SPINK5: variants seen among roughly 807,000 people sequenced by gnomAD.
SPINK5 encodes serine peptidase inhibitor Kazal type 5.
Under a neutral mutation model 151.8 loss-of-function variants are expected in SPINK5, and 125 were observed. The observed-to-expected ratio is 0.82, with a 90% CI of 0.71 to 0.96. SPINK5 has a LOEUF of 0.96. Ranked by LOEUF, SPINK5 falls within the 40% of genes least tolerant of loss-of-function variation. SPINK5 has a pLI of 0.00. For synonymous variants in SPINK5, 374 were observed against 395.3 expected (o/e 0.95, Z 0.64); for missense variants, 1,194 against 1,291.9 (o/e 0.92, Z 1.16).
chr5:148,072,825 G>A (rs1191556104), intron 4 of SPINK5, among the ~76,000 whole-genome samples: 1 of 149,762 alleles, frequency 6.7e-6, no homozygotes, highest in Non-Finnish European at 1.5e-5. Context: ...TTGCAGACAG[G>A]GACTCAGGCT....
chr5:148,124,742 C>CTATCT (rs1554106948), intron 27 of SPINK5, 23 bp from the exon 28 acceptor site: 7 of 1,374,202 alleles, frequency 5.1e-6, no homozygotes, highest in South Asian at 1.4e-5. Flanking sequence ...ATTACCCTAT[C>CTATCT]TTTTTTTTTA....
At position 148,089,761 on chromosome 5, in the gene SPINK5, G is replaced by T. The variant is rs1189533706; in HGVS notation, c.602+140G>T. 4.8e-6 allele frequency: 6 copies of T among 1,260,508 alleles called. No individual in the cohort carries two copies. In the African/African-American group the frequency reaches 8.9e-5, roughly 19 times the overall value. The allele number at this position is 1,260,508 out of a possible 1,614,324, so 78.1% of individuals were successfully genotyped here. ...ACACTGTGAAATAGCCTTTCTCACAGAAAGGCTTCTTTTCTTTTTCTTCTT... is the reference window on the plus strand; with the variant it reads ...ACACTGTGAAATAGCCTTTCTCACATAAAGGCTTCTTTTCTTTTTCTTCTT... On this transcript the variant is annotated intron_variant, in intron 7 of 32. Coordinates refer to ENST00000256084, the MANE Select transcript of SPINK5 (RefSeq NM_006846.4).
intron 15 of SPINK5, among the ~76,000 whole-genome samples, chr5:148,102,948 C>G (rs767454106): frequency 2.6e-5 from 4 of 151,844 alleles, no homozygotes; most frequent in Non-Finnish European, 5.9e-5. Flanking sequence ...TATGGCCGGC[C>G]CTTCAAAAAC....
chr5:148,113,272 TG>T (rs1379951864), intron 20 of SPINK5, among the ~76,000 whole-genome samples: 1 of 151,100 alleles, frequency 6.6e-6, no homozygotes, highest in Non-Finnish European at 1.5e-5. Flanking sequence ...TGCAAACCCC[TG>T]ATTTATTCTG....
At chr5:148,086,357 C>T (rs185771462) in intron 4 of SPINK5, 48 bp from the exon 5 acceptor site, 100 of 1,600,790 alleles carry the variant, frequency 6.2e-5, no homozygotes, top group Non-Finnish European at 7.9e-5. Flanking sequence ...CATCTAAGGA[C>T]TATTTTGTTT....
At chr5:148,113,869 T>TTA (rs760822281) in intron 20 of SPINK5, among the ~76,000 whole-genome samples, 22,281 of 152,182 alleles carry the variant, frequency 0.15, 2,143 homozygotes, top group East Asian at 0.32. Context: ...CCTCTCATTA[T>TTA]TTTTTCTTTT....
intron 21 of SPINK5, among the ~76,000 whole-genome samples, chr5:148,116,097 A>G (rs1234226405): frequency 6.6e-6 from 1 of 152,138 alleles, no homozygotes; most frequent in Non-Finnish European, 1.5e-5. Context: ...CTGAGATTAC[A>G]GGTGCAAACC....
chr5:148,109,102 T>C (rs1055933222), intron 18 of SPINK5, among the ~76,000 whole-genome samples: 1 of 152,206 alleles, frequency 6.6e-6, no homozygotes, highest in Non-Finnish European at 1.5e-5. Context: ...AAGAAGTATA[T>C]ATAGATTGTT....
chr5:148,127,591 G>T (rs1173958759), intron 30 of SPINK5, among the ~76,000 whole-genome samples: 1 of 152,072 alleles, frequency 6.6e-6, no homozygotes, highest in South Asian at 2.1e-4. Context: ...GGTGGCTCAT[G>T]ACTATAACCC....
chr5:148,125,441 TG>T, intron 28 of SPINK5: 1 of 1,270,624 alleles, frequency 7.9e-7, no homozygotes, highest in Non-Finnish European at 1.1e-6. Context: ...ATGGGGAAAA[TG>T]GGGAAAGGAA....
intron 32 of SPINK5, 105 bp downstream of exon 32, chr5:148,133,992 G>T: frequency 8.5e-7 from 1 of 1,170,454 alleles, no homozygotes; most frequent in Non-Finnish European, 1.3e-6. Flanking sequence ...GGCCAGAGAG[G>T]TGACACTAGG....
intron 7 of SPINK5, 147 bp downstream of exon 7, chr5:148,089,768 T>TA: frequency 2.5e-6 from 3 of 1,182,796 alleles, no homozygotes; most frequent in Non-Finnish European, 2.4e-6. Flanking sequence ...ACAGAAAGGC[T>TA]TCTTTTCTTT....
At chr5:148,091,289 C>CT (rs1258286397) in intron 8 of SPINK5, 61 bp downstream of exon 8, 1 of 1,367,234 alleles carries the variant, frequency 7.3e-7, no homozygotes, top group Non-Finnish European at 1.0e-6. Context: ...AAATGTATGC[C>CT]TAAACCTTTG....
chr5:148,089,656 G>A, intron 7 of SPINK5, 35 bp downstream of exon 7: 1 of 1,610,874 alleles, frequency 6.2e-7, no homozygotes, highest in South Asian at 1.1e-5. Context: ...ACTTGATGAT[G>A]ATGCACTTGG....
At chr5:148,071,122 C>G (rs1752727757) in intron 3 of SPINK5, among the ~76,000 whole-genome samples, 2 of 152,180 alleles carry the variant, frequency 1.3e-5, no homozygotes, top group South Asian at 4.1e-4. Context: ...ATTGCAAATC[C>G]TCAAACCAGA....
intron 20 of SPINK5, among the ~76,000 whole-genome samples, chr5:148,113,277 T>TTGCAA (rs1286080861): frequency 1.3e-5 from 2 of 150,176 alleles, no homozygotes; most frequent in African/African-American, 2.5e-5. Context: ...ACCCCTGATT[T>TTGCAA]ATTCTGTTCC....
intron 4 of SPINK5, among the ~76,000 whole-genome samples, chr5:148,082,374 T>C (rs1489132330): frequency 2.6e-5 from 4 of 151,076 alleles, no homozygotes; most frequent in African/African-American, 9.7e-5. Flanking sequence ...TAAGTATTTC[T>C]ATTTATCATT....
intron 28 of SPINK5, 148 bp from the exon 29 acceptor site, chr5:148,125,575 C>T (rs1754408932): frequency 6.2e-7 from 1 of 1,614,036 alleles, no homozygotes; most frequent in Non-Finnish European, 8.5e-7. Flanking sequence ...ATTTAGACAA[C>T]CTGGGCGTTC....
At chr5:148,103,518 T>A (rs80154008) in intron 15 of SPINK5, among the ~76,000 whole-genome samples, 2,462 of 152,260 alleles carry the variant, frequency 0.016, 53 homozygotes, top group African/African-American at 0.056. Flanking sequence ...CAATTTTCCA[T>A]TGGGGAAAGA....
Sources: gnomAD v4.1 joint callset for allele counts (sites outside exome capture counted in the v4.1 genomes callset) on GRCh38, gnomAD v4.1.1 for gene constraint, MANE v1.5 for transcripts, NCBI Gene and HGNC (gene_info 2026-07-23, HGNC 2026-07-21) for gene names.